The following PPP2R2A variants were observed in gnomAD, a reference collection of about 807,000 sequenced individuals.
PPP2R2A encodes serine/threonine-protein phosphatase 2A 55 kDa regulatory subunit B alpha isoform.
PPP2R2A carries 9 observed loss-of-function variants against 53.2 expected under a neutral mutation model. The ratio of observed to expected loss-of-function variants is 0.17; its 90% CI spans 0.10 to 0.30. The LOEUF (loss-of-function observed/expected upper bound fraction) is 0.30, where lower values mean the gene tolerates loss of function less well. Ranked by LOEUF, PPP2R2A falls within the 10% of genes least tolerant of loss-of-function variation. The pLI, the probability that PPP2R2A is intolerant of heterozygous loss-of-function variation, is 1.00. For missense variants in PPP2R2A, 235 were observed against 534.6 expected, an observed-to-expected ratio of 0.44 and a Z score of 5.53; for synonymous variants, 169 against 174.2, an observed-to-expected ratio of 0.97 and a Z score of 0.23.
At chr8:26,336,481 C>T (rs1803666972) in intron 2 of PPP2R2A, among the ~76,000 whole-genome samples, 1 of 152,038 alleles carries the variant, frequency 6.6e-6, no homozygotes, top group Admixed American at 6.6e-5. Context: ...CCCTCAGTCT[C>T]AAATCTCAAT....
At chr8:26,331,391 A>G (rs1052141048) in intron 2 of PPP2R2A, among the ~76,000 whole-genome samples, 2 of 152,210 alleles carry the variant, frequency 1.3e-5, no homozygotes, top group Non-Finnish European at 2.9e-5. Flanking sequence ...CAGTTATCAG[A>G]TTTTTAATTT....
At chr8:26,304,532 T>A (rs1398749058) in intron 2 of PPP2R2A, among the ~76,000 whole-genome samples, 1 of 152,226 alleles carries the variant, frequency 6.6e-6, no homozygotes, top group Non-Finnish European at 1.5e-5. Flanking sequence ...CATTGCAGGC[T>A]CATTGTAGGT....
intron 2 of PPP2R2A, among the ~76,000 whole-genome samples, chr8:26,330,307 C>CTT (rs11351968): frequency 1.9e-4 from 25 of 129,988 alleles, no homozygotes; most frequent in Admixed American, 7.0e-4. Context: ...ATTCTTTTTT[C>CTT]TTTTTTTTTT....
At chr8:26,293,599 A>C in intron 1 of PPP2R2A, 67 bp from the exon 2 acceptor site, 2 of 1,463,944 alleles carry the variant, frequency 1.4e-6, no homozygotes, top group Non-Finnish European at 1.9e-6. Flanking sequence ...CATGGATACC[A>C]TCTTTGTGTT....
In PPP2R2A at chr8:26,370,426, T is replaced by A. The variant is rs1687395108; in HGVS notation, c.*13T>A. On this transcript the variant is annotated 3_prime_UTR_variant, in exon 10 of 10. Transcript: ENST00000380737. The surrounding 1 kb of genome is among the most constrained non-coding windows in gnomAD (Gnocchi z 6.1). The stretch of plus-strand genomic sequence containing the variant: ...CAAAGTGAATTAGGGTTGGCATTCC[T>A]AGCAGAAGAACCCACTTCCTGCTTA... 6.2e-6 allele frequency: 10 copies of A among 1,611,330 alleles called. No homozygotes were observed. Among genetic ancestry groups the A allele is most frequent in the Non-Finnish European group, 8.5e-6 (10 of 1,177,854 alleles).
Position 26,321,883 on chromosome 8 carries a change from T to C in PPP2R2A, c.83-17007T>C, listed in dbSNP as rs1341272952. ...AGAGAACTTATATAGGAAGTAACAA[T>C]GTCAACATTTCCCCTCCTCGGTCTA... On this transcript the variant is annotated intron_variant, in intron 2 of 9. Coordinates refer to ENST00000380737, the MANE Select transcript of PPP2R2A (RefSeq NM_002717.4). The surrounding 1 kb of genome is among the most constrained non-coding windows in gnomAD (Gnocchi z 4.1). Among the ~76,000 whole-genome samples, 1 of 152,262 alleles carries C rather than the reference T, an allele frequency of 6.6e-6. No individual in the cohort carries two copies. Among genetic ancestry groups the C allele is most frequent in the Non-Finnish European group, 1.5e-5 (1 of 68,046 alleles).
chr8:26,366,804 A>G (rs374601522), intron 9 of PPP2R2A, among the ~76,000 whole-genome samples: 42 of 152,284 alleles, frequency 2.8e-4, no homozygotes, highest in African/African-American at 9.1e-4. Flanking sequence ...AACACCTCAT[A>G]GAAGTGGTCT....
At chr8:26,292,337 C>T in intron 1 of PPP2R2A, 1 of 986,742 alleles carries the variant, frequency 1.0e-6, no homozygotes, top group Non-Finnish European at 1.2e-6. Context: ...TTTTTCCCCA[C>T]TGTAGATGCC....
intron 9 of PPP2R2A, among the ~76,000 whole-genome samples, chr8:26,367,090 A>G (rs891322804): frequency 2.6e-5 from 4 of 152,206 alleles, no homozygotes; most frequent in Admixed American, 6.5e-5. Flanking sequence ...AGATACTTCA[A>G]CAACAGTTTT....
At position 26,291,540 on chromosome 8, in the gene PPP2R2A, G is replaced by GCCTGCC. The variant is rs1315131206; in HGVS notation, c.-273_-268dup. ...CCGGCGCCATTTTGAAAGTGGAGTC[G>GCCTGCC]CCTGCCCCTGCCGCTGCCGCCGCCG... On this transcript the variant is annotated 5_prime_UTR_variant, in exon 1 of 10. Coordinates refer to ENST00000380737, the MANE Select transcript of PPP2R2A (RefSeq NM_002717.4). 9.9e-6 allele frequency: 5 copies of GCCTGCC among 505,008 alleles called. No individual in the cohort carries two copies. Among genetic ancestry groups the GCCTGCC allele is most frequent in the Admixed American group, 3.8e-5 (1 of 26,002 alleles). 31.3% of individuals were successfully genotyped at this position (505,008 alleles called of 1,614,324 possible).
intron 2 of PPP2R2A, among the ~76,000 whole-genome samples, chr8:26,311,832 T>G (rs577624732): frequency 6.6e-6 from 1 of 152,000 alleles, no homozygotes; most frequent in East Asian, 1.9e-4. Flanking sequence ...TATAATTGGG[T>G]GGGGTGGGGT....
intron 4 of PPP2R2A, among the ~76,000 whole-genome samples, chr8:26,357,760 T>G (rs1804870687): frequency 6.6e-6 from 1 of 151,954 alleles, no homozygotes; most frequent in African/African-American, 2.4e-5. Flanking sequence ...ACCTTCTGCT[T>G]GTGGTGAGAG....
At chr8:26,318,047 C>T (rs1266356220) in intron 2 of PPP2R2A, among the ~76,000 whole-genome samples, 1 of 152,108 alleles carries the variant, frequency 6.6e-6, no homozygotes, top group East Asian at 1.9e-4. Flanking sequence ...CCTCTAATTT[C>T]CTGTTAAAAC....
chr8:26,295,321 A>G (rs1801495653), intron 2 of PPP2R2A, among the ~76,000 whole-genome samples: 1 of 152,216 alleles, frequency 6.6e-6, no homozygotes, highest in African/African-American at 2.4e-5. Context: ...GAAGAAATTG[A>G]TAGTTCAAAG....
At chr8:26,335,737 T>G (rs1803623604) in intron 2 of PPP2R2A, among the ~76,000 whole-genome samples, 1 of 152,206 alleles carries the variant, frequency 6.6e-6, no homozygotes, top group African/African-American at 2.4e-5. Flanking sequence ...CTTTGGTTCT[T>G]GTCCTTTCCT....
At chr8:26,339,014 A>G (rs749971051) in intron 3 of PPP2R2A, 27 bp downstream of exon 3, 2 of 1,528,440 alleles carry the variant, frequency 1.3e-6, no homozygotes, top group Non-Finnish European at 9.0e-7. Context: ...TATTGTCTAA[A>G]TTTCAGTTTG....
At chr8:26,324,576 A>G (rs1007487151) in intron 2 of PPP2R2A, among the ~76,000 whole-genome samples, 2 of 152,206 alleles carry the variant, frequency 1.3e-5, no homozygotes, top group Non-Finnish European at 2.9e-5. Context: ...AACCTCTGCT[A>G]GGACAGTGCG....
At chr8:26,336,447 G>A (rs1050821245) in intron 2 of PPP2R2A, among the ~76,000 whole-genome samples, 1 of 151,762 alleles carries the variant, frequency 6.6e-6, no homozygotes, top group South Asian at 2.1e-4. Flanking sequence ...ATAAATTGGC[G>A]TGGAATGTGC....
At chr8:26,298,019 GA>G (rs375981539) in intron 2 of PPP2R2A, among the ~76,000 whole-genome samples, 5 of 152,172 alleles carry the variant, frequency 3.3e-5, no homozygotes, top group African/African-American at 1.2e-4. Flanking sequence ...GAAGTAAAAG[GA>G]AAAAAACATA....
Sources: allele counts gnomAD v4.1 joint callset (sites outside exome capture counted in the v4.1 genomes callset), GRCh38; gene constraint gnomAD v4.1.1; non-coding constraint Gnocchi (gnomAD v3.1); transcripts MANE v1.5; gene names NCBI Gene and HGNC (gene_info 2026-07-23, HGNC 2026-07-21).